Variants in NTRK3 observed in about 807,000 individuals in gnomAD.
NTRK3 encodes neurotrophic receptor tyrosine kinase 3.
In NTRK3, 24 loss-of-function variants were observed where a neutral mutation model predicts 91.7. The observed-to-expected ratio is 0.26, with a 90% CI of 0.19 to 0.37. The LOEUF (loss-of-function observed/expected upper bound fraction) is 0.37. Ranked by LOEUF, NTRK3 falls within the 10% of genes least tolerant of loss-of-function variation. NTRK3 has a pLI of 1.00. For missense variants in NTRK3, 880 were observed against 1,068.9 expected (o/e 0.82, Z 2.46); for synonymous variants, 483 against 404.0 (o/e 1.20, Z -2.34).
intron 5 of NTRK3, among the ~76,000 whole-genome samples, chr15:88,161,702 G>A (rs1290832692): frequency 6.6e-6 from 1 of 152,176 alleles, no homozygotes; most frequent in Non-Finnish European, 1.5e-5. Flanking sequence ...GCAGGGAGAG[G>A]TCTTGTAGAG....
chr15:88,193,888 C>G (rs139988851), intron 3 of NTRK3, among the ~76,000 whole-genome samples: 1 of 152,208 alleles, frequency 6.6e-6, no homozygotes, highest in Non-Finnish European at 1.5e-5. Flanking sequence ...CATGTGTCTA[C>G]GCCTCTTTAT....
chr15:87,963,982 A>G (rs1051615661), intron 14 of NTRK3, among the ~76,000 whole-genome samples: 6 of 152,244 alleles, frequency 3.9e-5, no homozygotes, highest in Non-Finnish European at 8.8e-5. Context: ...AAATTTGAGT[A>G]CATCAATATA....
intron 17 of NTRK3, among the ~76,000 whole-genome samples, chr15:87,888,981 G>A (rs957368696): frequency 6.6e-6 from 1 of 152,118 alleles, no homozygotes; most frequent in African/African-American, 2.4e-5. Context: ...ATGAGTTAGG[G>A]ATACAATGCA....
chr15:88,254,118 C>G (rs113026165), intron 3 of NTRK3, among the ~76,000 whole-genome samples: 1,552 of 152,270 alleles, frequency 0.01, 17 homozygotes, highest in Non-Finnish European at 0.015. Flanking sequence ...CCTTGGCCCA[C>G]CCCTGGCAAT....
chr15:88,142,986 G>A (rs750433353), intron 6 of NTRK3, among the ~76,000 whole-genome samples: 4 of 152,002 alleles, frequency 2.6e-5, no homozygotes, highest in Non-Finnish European at 4.4e-5. Flanking sequence ...GGGCCAAGGC[G>A]GGCAGATCAC....
At chr15:87,899,696 A>G (rs1037991056) in intron 17 of NTRK3, among the ~76,000 whole-genome samples, 4 of 152,216 alleles carry the variant, frequency 2.6e-5, no homozygotes, top group Admixed American at 1.3e-4. Flanking sequence ...AACAATACAT[A>G]GCACAGCAGA....
intron 13 of NTRK3, among the ~76,000 whole-genome samples, chr15:88,089,265 G>T (rs1428467491): frequency 6.6e-6 from 1 of 152,150 alleles, no homozygotes; most frequent in East Asian, 1.9e-4. Context: ...TTAAGCCTCG[G>T]CTCAGTTATC....
At chr15:88,059,708 G>A (rs533527211) in intron 13 of NTRK3, among the ~76,000 whole-genome samples, 11 of 152,104 alleles carry the variant, frequency 7.2e-5, no homozygotes, top group Non-Finnish European at 1.3e-4. Flanking sequence ...AGGACACTAG[G>A]TGTTACAAGC....
chr15:88,024,187 C>T (rs2141919838), intron 14 of NTRK3, among the ~76,000 whole-genome samples: 1 of 152,338 alleles, frequency 6.6e-6, no homozygotes, highest in Admixed American at 6.5e-5. Flanking sequence ...AGATAAGCCG[C>T]TTGCACACTC....
chr15:87,949,494 C>T (rs2070894116), intron 14 of NTRK3, among the ~76,000 whole-genome samples: 1 of 151,940 alleles, frequency 6.6e-6, no homozygotes, highest in Non-Finnish European at 1.5e-5. Context: ...ATAAGACACC[C>T]TGCTGTTTCT....
chr15:88,202,062 A>G (rs1313072881), intron 3 of NTRK3, among the ~76,000 whole-genome samples: 1 of 152,038 alleles, frequency 6.6e-6, no homozygotes, highest in Non-Finnish European at 1.5e-5. Flanking sequence ...TTTCCTCTGA[A>G]GAAGGTCAGG....
intron 6 of NTRK3, among the ~76,000 whole-genome samples, chr15:88,145,930 G>T (rs530741449): frequency 3.9e-5 from 6 of 152,152 alleles, no homozygotes; most frequent in Non-Finnish European, 8.8e-5. Flanking sequence ...GAGCACAGTG[G>T]TCAAAGCTTT....
At chr15:87,867,239 A>G (rs2064707762) in exon 19 of NTRK3, 1 of 225,816 alleles carries the variant, frequency 4.4e-6, no homozygotes, top group Admixed American at 5.7e-5. Flanking sequence ...CCTCTCTGAA[A>G]ACCTAGGCTA....
At chr15:88,097,708 T>A (rs750567300) in intron 13 of NTRK3, among the ~76,000 whole-genome samples, 1 of 152,206 alleles carries the variant, frequency 6.6e-6, no homozygotes, top group Non-Finnish European at 1.5e-5. Context: ...AAGCACGCAA[T>A]CTTTAAAAAC....
rs5814312 is a variant in NTRK3 at position 87,917,997 on chromosome 15, G to GT, written c.2133+11193dup. ...ACCCTCCATTTCACTGTTTTTTTGTGTTTTTTTTTTGTTTTGTATTTGTTT... is the reference window on the plus strand; with the variant it reads ...ACCCTCCATTTCACTGTTTTTTTGTGTTTTTTTTTTTGTTTTGTATTTGTTT... On this transcript the variant is annotated intron_variant, in intron 17 of 18. Coordinates refer to ENST00000394480, the Ensembl canonical transcript of NTRK3. 3.9e-3 allele frequency among the ~76,000 whole-genome samples: 584 copies of GT among 150,092 alleles called. 3 individuals carry two copies. The highest frequency in any genetic ancestry group is 0.02 in the South Asian group (93 of 4,750).
At chr15:87,869,741 C>A (rs776002554) in exon 19 of NTRK3, 27 of 201,368 alleles carry the variant, frequency 1.3e-4, no homozygotes, top group Non-Finnish European at 2.6e-4. Context: ...ATCACCTGGA[C>A]CACGTTTATT....
intron 14 of NTRK3, among the ~76,000 whole-genome samples, chr15:87,949,309 C>T (rs951642614): frequency 2.0e-5 from 3 of 152,098 alleles, no homozygotes; most frequent in African/African-American, 4.8e-5. Context: ...CTGAGACCCA[C>T]ATCCTAACCC....
intron 17 of NTRK3, among the ~76,000 whole-genome samples, chr15:87,922,480 G>C (rs757230003): frequency 3.9e-5 from 6 of 152,156 alleles, no homozygotes; most frequent in Non-Finnish European, 7.3e-5. Flanking sequence ...TCTCAGGACT[G>C]ACATGCTGGG....
intron 13 of NTRK3, among the ~76,000 whole-genome samples, chr15:88,063,416 G>A (rs886279991): frequency 6.6e-6 from 1 of 152,186 alleles, no homozygotes; most frequent in Non-Finnish European, 1.5e-5. Flanking sequence ...TCTCACTAAT[G>A]GATTCTGTAT....
Sources: allele counts gnomAD v4.1 joint callset (sites outside exome capture counted in the v4.1 genomes callset), GRCh38; gene constraint gnomAD v4.1.1; transcripts MANE v1.5; gene names NCBI Gene and HGNC (gene_info 2026-07-23, HGNC 2026-07-21).